CCDC7: variants seen among roughly 807,000 people sequenced by gnomAD.
The protein encoded by CCDC7 is coiled-coil domain containing 7, also known as coiled-coil domain-containing protein 7.
A neutral mutation model predicts 196.9 loss-of-function variants in CCDC7; 183 were observed. The observed-to-expected ratio is 0.93, with a 90% CI of 0.82 to 1.05. CCDC7 has a LOEUF of 1.05. Ranked by LOEUF, CCDC7 falls within the 50% of genes least tolerant of loss-of-function variation. The pLI, the probability that CCDC7 is intolerant of heterozygous loss-of-function variation, is 0.00. For synonymous variants in CCDC7, 525 were observed against 484.6 expected (o/e 1.08, Z -1.10); for missense variants, 1,540 against 1,482.2 (o/e 1.04, Z -0.64).
At chr10:32,709,688 G>C (rs150505429) in intron 24 of CCDC7, among the ~76,000 whole-genome samples, 1 of 152,062 alleles carries the variant, frequency 6.6e-6, no homozygotes, top group Non-Finnish European at 1.5e-5. Context: ...TGTGTGACCC[G>C]GTTTCTAACA....
At chr10:32,599,575 T>C (rs970717823) in intron 18 of CCDC7, among the ~76,000 whole-genome samples, 2 of 152,170 alleles carry the variant, frequency 1.3e-5, no homozygotes, top group African/African-American at 2.4e-5. Flanking sequence ...TCATTTTCTT[T>C]TGTGTATGTT....
intron 20 of CCDC7, among the ~76,000 whole-genome samples, chr10:32,653,151 A>G (rs540791681): frequency 7.9e-5 from 12 of 152,180 alleles, no homozygotes; most frequent in Non-Finnish European, 5.9e-5. Context: ...TAAAATTATT[A>G]TTATTTTTTA....
intron 13 of CCDC7, among the ~76,000 whole-genome samples, chr10:32,548,305 G>A (rs1295776730): frequency 6.6e-6 from 1 of 152,132 alleles, no homozygotes; most frequent in Non-Finnish European, 1.5e-5. Context: ...AACTGGAGGG[G>A]CAGAGTCAGT....
intron 21 of CCDC7, among the ~76,000 whole-genome samples, chr10:32,680,256 T>C (rs1229176166): frequency 6.6e-6 from 1 of 152,172 alleles, no homozygotes; most frequent in Admixed American, 6.5e-5. Flanking sequence ...GAAATGGTTC[T>C]AACTGCAGCA....
intron 16 of CCDC7, among the ~76,000 whole-genome samples, chr10:32,580,548 G>T (rs555675976): frequency 7.9e-5 from 12 of 151,956 alleles, no homozygotes; most frequent in Admixed American, 7.2e-4. Flanking sequence ...CTATAAAATT[G>T]ATTTTTAGAA....
intron 31 of CCDC7, among the ~76,000 whole-genome samples, chr10:32,822,881 T>C (rs1396628838): frequency 1.3e-5 from 2 of 152,168 alleles, no homozygotes; most frequent in Admixed American, 6.5e-5. Context: ...TTGTGACTTT[T>C]ACTAGTTGAT....
At chr10:32,787,863 A>T (rs2082108123) in intron 29 of CCDC7, among the ~76,000 whole-genome samples, 1 of 151,616 alleles carries the variant, frequency 6.6e-6, no homozygotes, top group Admixed American at 6.6e-5. Context: ...ATCTCCACAG[A>T]CTCAAGCTTC....
chr10:32,875,546 A>G (rs2094574980), intron 41 of CCDC7, among the ~76,000 whole-genome samples: 2 of 151,946 alleles, frequency 1.3e-5, no homozygotes, highest in African/African-American at 4.8e-5. Flanking sequence ...GCCTTGTATC[A>G]TATCTTGAAA....
chr10:32,689,258 C>CAAAGTG, intron 23 of CCDC7, 95 bp downstream of exon 24: 2 of 749,750 alleles, frequency 2.7e-6, no homozygotes, highest in Non-Finnish European at 4.3e-6. Flanking sequence ...TACACTTTGA[C>CAAAGTG]TAAAATGTGA....
chr10:32,851,816 A>G (rs747268955), exon 40 of CCDC7: 3 of 1,609,488 alleles, frequency 1.9e-6, no homozygotes, highest in Non-Finnish European at 1.7e-6. Context: ...GAGGAAACTT[A>G]TGAGTACTCT....
intron 21 of CCDC7, among the ~76,000 whole-genome samples, chr10:32,680,831 A>C (rs921131782): frequency 6.6e-6 from 1 of 152,200 alleles, no homozygotes; most frequent in Non-Finnish European, 1.5e-5. Flanking sequence ...TAATGGGGAC[A>C]TAAGGACCTG....
rs2091543061 is a variant in CCDC7 at position 32,828,461 on chromosome 10, A to AGAAGAAGAAGAG, written c.3268+3862_3268+3863insAGAAGAGGAAGA. Among the ~76,000 whole-genome samples, 24 of 70,838 alleles carry AGAAGAAGAAGAG rather than the reference A, an allele frequency of 3.4e-4. 2 individuals carry two copies. Among genetic ancestry groups the AGAAGAAGAAGAG allele is most frequent in the African/African-American group, 9.8e-4 (24 of 24,542 alleles). The allele number at this position is 70,838 out of a possible 152,430, so 46.5% of individuals were successfully genotyped here. ...AAGGAGAAGAAGAAGAAGAAGAAGA[A>AGAAGAAGAAGAG]GAAGAGGAAGAGGAAGAGGAAGAGG... On this transcript the variant is annotated intron_variant, in intron 32 of 41. Coordinates refer to ENST00000639629, the Ensembl canonical transcript of CCDC7.
intron 21 of CCDC7, among the ~76,000 whole-genome samples, chr10:32,678,728 G>A (rs749656903): frequency 1.3e-5 from 2 of 152,128 alleles, no homozygotes; most frequent in Admixed American, 6.6e-5. Context: ...AAACTGAAAA[G>A]CCCAGGAGAT....
At chr10:32,659,869 G>C (rs75737249) in intron 20 of CCDC7, among the ~76,000 whole-genome samples, 2 of 152,212 alleles carry the variant, frequency 1.3e-5, no homozygotes, top group Admixed American at 6.5e-5. Context: ...CTTATACACA[G>C]TTGGTGGGAG....
intron 28 of CCDC7, among the ~76,000 whole-genome samples, chr10:32,775,432 C>T (rs1235224278): frequency 6.6e-6 from 1 of 152,054 alleles, no homozygotes; most frequent in Non-Finnish European, 1.5e-5. Flanking sequence ...TACTGTATGA[C>T]TTTCTGACGT....
chr10:32,756,012 C>T (rs1239902692), intron 28 of CCDC7, among the ~76,000 whole-genome samples: 3 of 151,710 alleles, frequency 2.0e-5, no homozygotes, highest in Non-Finnish European at 2.9e-5. Context: ...TATCAGTGAT[C>T]GAAGATCAAA....
chr10:32,591,066 T>C (rs2059734827), intron 18 of CCDC7, among the ~76,000 whole-genome samples: 2 of 152,106 alleles, frequency 1.3e-5, no homozygotes, highest in Non-Finnish European at 1.5e-5. Context: ...GAATAAACTT[T>C]TTACCCCTAT....
intron 41 of CCDC7, among the ~76,000 whole-genome samples, chr10:32,859,942 G>T (rs1247989243): frequency 6.6e-6 from 1 of 152,120 alleles, no homozygotes; most frequent in East Asian, 1.9e-4. Context: ...ACCAAAAAAA[G>T]TCCAGGACCA....
exon 24 of CCDC7, chr10:32,694,914 G>C: frequency 6.2e-7 from 1 of 1,600,366 alleles, no homozygotes; most frequent in Non-Finnish European, 8.5e-7. Flanking sequence ...TCTTGTGCTT[G>C]AACATCAAGA....
Sources: allele counts gnomAD v4.1 joint callset (sites outside exome capture counted in the v4.1 genomes callset), GRCh38; gene constraint gnomAD v4.1.1; transcripts MANE v1.5; gene names NCBI Gene and HGNC (gene_info 2026-07-23, HGNC 2026-07-21).